Variants in SYNE2 observed in about 807,000 individuals in gnomAD.
SYNE2 encodes spectrin repeat containing nuclear envelope protein 2, also known as nesprin-2.
In SYNE2, 431 loss-of-function variants were observed where a neutral mutation model predicts 856.3. That is an observed-to-expected ratio of 0.50 (90% CI 0.47 to 0.55). The LOEUF (loss-of-function observed/expected upper bound fraction) is 0.55, where lower values mean the gene tolerates loss of function less well. Among genes scored for constraint, SYNE2 ranks in the 20% least tolerant of loss-of-function variants. The pLI is 0.00. For missense variants in SYNE2, 8,129 were observed against 8,023.2 expected, an observed-to-expected ratio of 1.01 and a Z score of -0.50; for synonymous variants, 2,923 against 2,872.3, an observed-to-expected ratio of 1.02 and a Z score of -0.56.
Position 64,051,804 on chromosome 14 carries a change from C to T in SYNE2, c.7891C>T (p.Leu2631Phe). 6.2e-7 allele frequency: 1 copy of T among 1,614,060 alleles called. No individual in the cohort carries two copies. Among genetic ancestry groups the T allele is most frequent in the Non-Finnish European group, 8.5e-7 (1 of 1,180,008 alleles). Reference sequence around the variant, plus strand: ...AGTGGAATATGATGAATTTACAACCCTCATGAATAAGGTACAGGACACTGA... The same window carrying T: ...AGTGGAATATGATGAATTTACAACCTTCATGAATAAGGTACAGGACACTGA... Reference protein sequence around the residue: ...QVVEYDEFTTLMNKVQDTEIS... With the variant: ...QVVEYDEFTTFMNKVQDTEIS... Residue 2631 changes from leucine (L) to phenylalanine (F), a missense_variant, in exon 48 of 116, where the codon CTC (leucine) becomes TTC (phenylalanine). This residue lies in a region of SYNE2 where 5,410 missense variants were observed against 5,284.8 expected (regional missense o/e 1.02). Transcript: ENST00000555002.
rs769845003 is a variant in SYNE2, at chr14:64,003,003, C to G, written c.4070C>G (p.Thr1357Arg). 6.2e-7 allele frequency: 1 copy of G among 1,614,060 alleles called. No homozygotes were observed. Among genetic ancestry groups the G allele is most frequent in the South Asian group, 1.1e-5 (1 of 91,076 alleles). ...GATACACAGGTGGCACAAGAAAATA[C>G]GTTGACAGTAAAAAATAAAGAGGGA... ...ASDTQVAQEN[T>R]LTVKNKEGEI... Residue 1357 changes from threonine (T) to arginine (R), a missense_variant, in exon 30 of 116, where the codon ACG (threonine) becomes AGG (arginine). Coordinates refer to ENST00000555002, the MANE Select transcript of SYNE2 (RefSeq NM_182914.3).
At chr14:63,969,443 A>G (rs773751110) in intron 11 of SYNE2, among the ~76,000 whole-genome samples, 2 of 150,006 alleles carry the variant, frequency 1.3e-5, no homozygotes, top group African/African-American at 2.5e-5. Flanking sequence ...CCTGGATTCA[A>G]GTGATTCTTT....
intron 33 of SYNE2, 59 bp from the exon 34 acceptor site, chr14:64,017,536 C>T (rs1567062814): frequency 2.2e-6 from 3 of 1,357,546 alleles, no homozygotes; most frequent in African/African-American, 2.9e-5. Context: ...TTGGCTGAAA[C>T]AGTGGTTTTC....
At chr14:64,123,680 C>T (rs2097915077) in intron 70 of SYNE2, among the ~76,000 whole-genome samples, 1 of 152,194 alleles carries the variant, frequency 6.6e-6, no homozygotes, top group African/African-American at 2.4e-5. Flanking sequence ...ATCATTCACC[C>T]TTCTGAAATC....
chr14:63,954,973 C>A, intron 8 of SYNE2, 58 bp downstream of exon 8: 1 of 1,390,164 alleles, frequency 7.2e-7, no homozygotes, highest in South Asian at 1.2e-5. Flanking sequence ...AAGTTGATTT[C>A]AAAATAGTAT....
chr14:64,123,891 CTT>C (rs751630524), intron 70 of SYNE2, among the ~76,000 whole-genome samples: 37 of 140,330 alleles, frequency 2.6e-4, no homozygotes, highest in Non-Finnish European at 2.8e-4. Flanking sequence ...CACACACCAC[CTT>C]TTTTTTTTTT....
At chr14:63,903,811 C>CTTT (rs35370942) in intron 1 of SYNE2, among the ~76,000 whole-genome samples, 2 of 145,970 alleles carry the variant, frequency 1.4e-5, no homozygotes, top group East Asian at 4.0e-4. Flanking sequence ...AATGGCCATT[C>CTTT]TTTTTTTTTT....
In SYNE2 at chr14:64,186,585, T is replaced by A. The variant is rs1420279322; in HGVS notation, c.17712+6T>A. On this transcript the variant is annotated splice_donor_region_variant and intron_variant, in intron 97 of 115. Coordinates refer to ENST00000555002, the MANE Select transcript of SYNE2 (RefSeq NM_182914.3). ...GGGAGGACCTCTGCTTAAGGGTAAG[T>A]CAGCTCACTGCAGGGCACGGCTGTT... 1 of 1,614,032 alleles carries A rather than the reference T, an allele frequency of 6.2e-7. No individual in the cohort carries two copies. Among genetic ancestry groups the A allele is most frequent in the Non-Finnish European group, 8.5e-7 (1 of 1,180,030 alleles).
At position 63,993,932 on chromosome 14, in the gene SYNE2, T is replaced by C. The variant is rs376041943; in HGVS notation, c.2744T>C (p.Leu915Ser). The change falls in exon 22 of 116, where the codon TTA (leucine) becomes TCA (serine). Residue 915 changes from leucine to serine, a missense_variant. This residue lies in a region of SYNE2 where 2,422 missense variants were observed against 2,357.4 expected (regional missense o/e 1.03). Transcript: ENST00000555002. The stretch of plus-strand genomic sequence containing the variant: ...GTAACTGAGGACATAAAGATGTCTT[T>C]AGAAGAAAAGAGTAGAGATGTCTGT... ...NNVTEDIKMSLEEKSRDVCAK... is the reference protein window; with the variant it reads ...NNVTEDIKMSSEEKSRDVCAK... 1.9e-5 allele frequency: 30 copies of C among 1,613,746 alleles called. No individual in the cohort carries two copies. Among genetic ancestry groups the C allele is most frequent in the Admixed American group, 3.3e-5 (2 of 59,986 alleles).
At chr14:64,038,323 T>C (rs1467061761) in intron 45 of SYNE2, among the ~76,000 whole-genome samples, 5 of 149,078 alleles carry the variant, frequency 3.4e-5, no homozygotes, top group South Asian at 2.1e-4. Flanking sequence ...CTAGATGAGA[T>C]GGCGGCCGGG....
intron 11 of SYNE2, among the ~76,000 whole-genome samples, chr14:63,970,855 G>A (rs2096465734): frequency 6.6e-6 from 1 of 151,228 alleles, no homozygotes; most frequent in African/African-American, 2.4e-5. Context: ...GTTTCACCAT[G>A]TTGGCCAGGC....
In SYNE2 at chr14:64,209,592, C is replaced by A. The variant is rs1257764161; in HGVS notation, c.18540+14C>A. ...AAGAGGTTTGAGGTAAACACCTTCT[C>A]CATCCCGGTCTCCTGATCATAACCA... On this transcript the variant is annotated intron_variant, in intron 102 of 115. Coordinates refer to ENST00000555002, the MANE Select transcript of SYNE2 (RefSeq NM_182914.3). 3.7e-6 allele frequency: 6 copies of A among 1,613,650 alleles called. No homozygotes were observed. In the Admixed American group the frequency reaches 1.0e-4, roughly 27 times the overall value.
chr14:64,187,523 A>T (rs1210540500), intron 97 of SYNE2, among the ~76,000 whole-genome samples: 3 of 152,222 alleles, frequency 2.0e-5, no homozygotes, highest in African/African-American at 4.8e-5. Context: ...AGGATTTTTA[A>T]AAGATAAACA....
chr14:64,166,000 T>C (rs2098376030), intron 90 of SYNE2, among the ~76,000 whole-genome samples: 1 of 152,206 alleles, frequency 6.6e-6, no homozygotes, highest in Non-Finnish European at 1.5e-5. Context: ...TTGTGATTAA[T>C]TGAATTTTTC....
chr14:64,146,355 T>A (rs1350260318), intron 84 of SYNE2, 132 bp downstream of exon 84: 2 of 836,072 alleles, frequency 2.4e-6, no homozygotes, highest in African/African-American at 3.5e-5. Context: ...TATTTTCTTA[T>A]GTCAATTAGA....
intron 70 of SYNE2, among the ~76,000 whole-genome samples, chr14:64,123,092 T>G (rs1390362473): frequency 2.0e-5 from 3 of 148,450 alleles, no homozygotes; most frequent in Non-Finnish European, 3.0e-5. Flanking sequence ...AGAGTGAAAC[T>G]GCGTCTCAAA....
intron 11 of SYNE2, among the ~76,000 whole-genome samples, chr14:63,975,924 A>G (rs1172440204): frequency 6.6e-6 from 1 of 152,240 alleles, no homozygotes; most frequent in Admixed American, 6.5e-5. Flanking sequence ...CCGGGGGGAC[A>G]TCCAGGTAGC....
chr14:63,825,065 A>T (rs953721826), intron 1 of SYNE2, among the ~76,000 whole-genome samples: 1 of 152,040 alleles, frequency 6.6e-6, no homozygotes, highest in Non-Finnish European at 1.5e-5. Context: ...ATGCCACTGC[A>T]CTCCAGCCTG....
Position 63,967,833 on chromosome 14 carries a change from G to C in SYNE2, c.1115G>C (p.Gly372Ala). The C allele has an allele frequency of 6.2e-7, 1 of 1,614,018 alleles. No homozygotes were observed. The highest frequency in any genetic ancestry group is 8.5e-7 in the Non-Finnish European group (1 of 1,179,948). ...TTACAGTTGAGAGAAGCCTGGGATGGCCTCGATCACCAGGTGACTGTTTGT... is the reference window on the plus strand; with the variant it reads ...TTACAGTTGAGAGAAGCCTGGGATGCCCTCGATCACCAGGTGACTGTTTGT... ...DHLQLREAWDGLDHQINAWKI... is the reference protein window; with the variant it reads ...DHLQLREAWDALDHQINAWKI... Residue 372 changes from glycine (G) to alanine (A), a missense_variant, in exon 11 of 116, where the codon GGC becomes GCC. Gly to Ala is a moderately conservative substitution (Grantham distance 60). Coordinates refer to ENST00000555002, the MANE Select transcript of SYNE2 (RefSeq NM_182914.3).
Sources: allele counts gnomAD v4.1 joint callset (sites outside exome capture counted in the v4.1 genomes callset), GRCh38; gene constraint gnomAD v4.1.1; regional missense constraint gnomAD v4.1.1; transcripts MANE v1.5; gene names NCBI Gene and HGNC (gene_info 2026-07-23, HGNC 2026-07-21).